Variants in ATP11A observed in about 807,000 individuals in gnomAD.
ATP11A encodes the protein phospholipid-transporting ATPase IH.
A neutral mutation model predicts 154.4 loss-of-function variants in ATP11A; 81 were observed. The observed-to-expected ratio is 0.52, with a 90% CI of 0.44 to 0.63. The LOEUF is 0.63. Ranked by LOEUF, ATP11A falls within the 30% of genes least tolerant of loss-of-function variation. The pLI is 0.00. For missense variants in ATP11A, 1,316 were observed against 1,474.3 expected, an observed-to-expected ratio of 0.89 and a Z score of 1.76; for synonymous variants, 623 against 585.9, an observed-to-expected ratio of 1.06 and a Z score of -0.91.
chr13:112,782,191 C>T (rs1260171671), intron 1 of ATP11A, among the ~76,000 whole-genome samples: 1 of 152,218 alleles, frequency 6.6e-6, no homozygotes, highest in Non-Finnish European at 1.5e-5. Context: ...GAGTGGGCTT[C>T]ATCCATTCAT....
chr13:112,883,397 A>G lies in ATP11A; in HGVS notation c.*1531A>G. 2.6e-6 allele frequency: 1 copy of G among 391,826 alleles called. No individual in the cohort carries two copies. The highest frequency in any genetic ancestry group is 3.6e-5 in the East Asian group (1 of 27,640). The allele number at this position is 391,826 out of a possible 1,614,324, so 24.3% of individuals were successfully genotyped here. ...CGCTGAAACTGCTGCCTTTCAGGAA[A>G]GCACCACCAACGCTGGAGGAGGAGC... On this transcript the variant is annotated 3_prime_UTR_variant, in exon 30 of 30. Transcript: ENST00000375645.
At chr13:112,771,327 G>A (rs1489921466) in intron 1 of ATP11A, among the ~76,000 whole-genome samples, 7 of 152,144 alleles carry the variant, frequency 4.6e-5, no homozygotes, top group Non-Finnish European at 1.0e-4. Flanking sequence ...CAAGGCGTGC[G>A]CCAGGCAGAG....
intron 2 of ATP11A, among the ~76,000 whole-genome samples, chr13:112,798,347 G>T (rs188089725): frequency 3.9e-5 from 6 of 152,290 alleles, no homozygotes; most frequent in Non-Finnish European, 8.8e-5. Flanking sequence ...TGCCCAGACG[G>T]GTTTAGAACT....
At chr13:112,809,163 G>A (rs530984056) in intron 4 of ATP11A, among the ~76,000 whole-genome samples, 98 of 152,232 alleles carry the variant, frequency 6.4e-4, no homozygotes, top group African/African-American at 2.3e-3. Flanking sequence ...TGTGTTTAAT[G>A]AACCCAGGAA....
At position 112,785,380 on chromosome 13, in the gene ATP11A, C is replaced by T. The variant is rs140210789; in HGVS notation, c.162+123C>T. On this transcript the variant is annotated intron_variant, in intron 2 of 29. Coordinates refer to ENST00000375645, the MANE Select transcript of ATP11A (RefSeq NM_015205.3). The surrounding 1 kb of genome is among the most constrained non-coding windows in gnomAD (Gnocchi z 4.8). ...GCCCTGCTGTCACAGCCACCAGCCA[C>T]CCCCAGCAAGGGCTTCGGATCAGGA... 4,557 of 1,184,334 alleles carry T rather than the reference C, an allele frequency of 3.8e-3. 21 individuals are homozygous for T. Among genetic ancestry groups the T allele is most frequent in the Middle Eastern group, 7.4e-3 (31 of 4,186 alleles). 73.4% of individuals were successfully genotyped at this position (1,184,334 alleles called of 1,614,324 possible).
At chr13:112,709,820 C>T (rs1187745007) in intron 1 of ATP11A, among the ~76,000 whole-genome samples, 2 of 152,274 alleles carry the variant, frequency 1.3e-5, no homozygotes, top group Admixed American at 6.5e-5. Flanking sequence ...TTGTGCCACT[C>T]ATATTTGGCT....
intron 1 of ATP11A, among the ~76,000 whole-genome samples, chr13:112,775,713 C>CT (rs1236179178): frequency 1.5e-4 from 11 of 74,762 alleles, no homozygotes; most frequent in Admixed American, 1.4e-3. Context: ...TTTCATAATG[C>CT]CCCCCCCGCC....
In ATP11A at chr13:112,861,629, G is replaced by A. The variant is rs149264679; in HGVS notation, c.2856-811G>A. On this transcript the variant is annotated intron_variant, in intron 24 of 29. Coordinates refer to ENST00000375645, the MANE Select transcript of ATP11A (RefSeq NM_015205.3). ...GGGATTCTGCAGGAATCCGTGCATC[G>A]GCCTCACTGCCCTCATCAGAATATT... Among the ~76,000 whole-genome samples the A allele has an allele frequency of 5.9e-4, 90 of 152,336 alleles. 1 individual carries two copies. Among genetic ancestry groups the A allele is most frequent in the South Asian group, 3.1e-3 (15 of 4,832 alleles).
At chr13:112,865,916 G>A (rs543817402) in intron 25 of ATP11A, among the ~76,000 whole-genome samples, 38 of 152,294 alleles carry the variant, frequency 2.5e-4, no homozygotes, top group African/African-American at 7.5e-4. Context: ...GTTACCTAGT[G>A]GTACCATTAT....
intron 8 of ATP11A, among the ~76,000 whole-genome samples, chr13:112,821,288 ACT>A (rs2078791033): frequency 1.3e-5 from 2 of 151,796 alleles, no homozygotes; most frequent in Non-Finnish European, 2.9e-5. Context: ...TTTGATACTA[ACT>A]CTGGTTTCAC....
rs1461595249 is a variant in ATP11A, at chr13:112,690,207, A to AG, written c.-209dup. ...GCAGCAGCCTTGCCGCCAGTGGAGC[A>AG]GCTGCCGACGCGCGGGGCCGCGGAC... On this transcript the variant is annotated 5_prime_UTR_variant, in exon 1 of 30. Transcript: ENST00000375645. The surrounding 1 kb of genome is among the most constrained non-coding windows in gnomAD (Gnocchi z 5.6). 3 of 160,224 alleles carry AG rather than the reference A, an allele frequency of 1.9e-5. No homozygotes were observed. Among genetic ancestry groups the AG allele is most frequent in the African/African-American group, 7.3e-5 (3 of 41,154 alleles). The allele number at this position is 160,224 out of a possible 1,614,324, so 9.9% of individuals were successfully genotyped here.
intron 2 of ATP11A, among the ~76,000 whole-genome samples, chr13:112,800,947 C>A (rs147794988): frequency 0.032 from 4,810 of 152,238 alleles, 133 homozygotes; most frequent in Admixed American, 0.086. Flanking sequence ...ATTCACTACC[C>A]ACTCATGTAC....
At chr13:112,771,184 A>G (rs2077217201) in intron 1 of ATP11A, among the ~76,000 whole-genome samples, 1 of 152,204 alleles carries the variant, frequency 6.6e-6, no homozygotes, top group Middle Eastern at 3.2e-3. Context: ...CCCAGGCCCT[A>G]ACAGAGTTCA....
chr13:112,784,997 C>T (rs2140027578), intron 1 of ATP11A, 138 bp from the exon 2 acceptor site: 1 of 1,133,212 alleles, frequency 8.8e-7, no homozygotes, highest in Non-Finnish European at 1.1e-6. Context: ...CCCCAGGTCT[C>T]CCTGCAGCCC....
At chr13:112,701,823 C>G (rs1180885772) in intron 1 of ATP11A, among the ~76,000 whole-genome samples, 1 of 151,760 alleles carries the variant, frequency 6.6e-6, no homozygotes, top group Admixed American at 6.6e-5. Context: ...ACAGAGCAGG[C>G]TGTCAACACA....
At chr13:112,834,760 C>G in intron 15 of ATP11A, 100 bp downstream of exon 15, 1 of 956,348 alleles carries the variant, frequency 1.0e-6, no homozygotes, top group East Asian at 2.5e-5. Flanking sequence ...TCTCTATGTT[C>G]TCCCACAATT....
chr13:112,879,280 G>T (rs1278763), intron 29 of ATP11A, among the ~76,000 whole-genome samples: 6 of 152,172 alleles, frequency 3.9e-5, no homozygotes, highest in African/African-American at 7.2e-5. Context: ...ATTTTAAACA[G>T]GATTTTTAAC....
intron 1 of ATP11A, among the ~76,000 whole-genome samples, chr13:112,734,337 AC>A (rs1395521602): frequency 1.3e-5 from 2 of 152,194 alleles, no homozygotes; most frequent in African/African-American, 4.8e-5. Flanking sequence ...CTTTCCTGCA[AC>A]TTGGTTAAGA....
Position 112,836,469 on chromosome 13 carries a change from C to T in ATP11A, c.1705+218C>T, listed in dbSNP as rs12586126. Reference sequence around the variant, plus strand: ...AGGAAGGAGTCCTGGGCTAAACATCCGGCACCCTTGCTCTGTCCATCTTTT... The same window carrying T: ...AGGAAGGAGTCCTGGGCTAAACATCTGGCACCCTTGCTCTGTCCATCTTTT... On this transcript the variant is annotated intron_variant, in intron 16 of 29. Transcript: ENST00000375645. 8.5e-5 allele frequency among the ~76,000 whole-genome samples: 13 copies of T among 152,198 alleles called. No homozygotes were observed. The East Asian group carries it at 1.5e-3, about 18-fold the overall frequency.
Sources: gnomAD v4.1 joint callset for allele counts (sites outside exome capture counted in the v4.1 genomes callset) on GRCh38, gnomAD v4.1.1 for gene constraint, Gnocchi (gnomAD v3.1) non-coding constraint, MANE v1.5 for transcripts, NCBI Gene and HGNC (gene_info 2026-07-23, HGNC 2026-07-21) for gene names.